The following PINX1 variants were observed in gnomAD, a reference collection of about 807,000 sequenced individuals.
PINX1 encodes PIN2/TERF1-interacting telomerase inhibitor 1.
A neutral mutation model predicts 25.4 loss-of-function variants in PINX1; 34 were observed. The observed-to-expected ratio is 1.34, with a 90% CI of 1.02 to 1.78. PINX1 has a LOEUF of 1.78. Among genes scored for constraint, PINX1 ranks in the 40% most tolerant of loss-of-function variants. PINX1 has a pLI of 0.00. For missense variants in PINX1, 592 were observed against 404.9 expected, an observed-to-expected ratio of 1.46 and a Z score of -3.97; for synonymous variants, 197 against 147.7, an observed-to-expected ratio of 1.33 and a Z score of -2.42.
intron 4 of PINX1, among the ~76,000 whole-genome samples, chr8:10,826,490 T>C (rs554440835): frequency 1.3e-5 from 2 of 152,356 alleles, no homozygotes; most frequent in South Asian, 2.1e-4. Context: ...TCCAGAAATT[T>C]AGAAAATCCT....
At chr8:10,802,703 TGGGATCTGGGCGAAGATCTCTATGAA>T (rs1279459899) in intron 6 of PINX1, among the ~76,000 whole-genome samples, 2 of 152,170 alleles carry the variant, frequency 1.3e-5, no homozygotes, top group Non-Finnish European at 2.9e-5. Context: ...TTCGGTCCCA[TGGGATCTGGGCGAAGATCTCTATGAA>T]GGGAATGTAC....
At chr8:10,834,024 T>A (rs1178549578) in intron 2 of PINX1, among the ~76,000 whole-genome samples, 1 of 151,956 alleles carries the variant, frequency 6.6e-6, no homozygotes, top group Non-Finnish European at 1.5e-5. Context: ...TATAGAAAAA[T>A]GACAGTTCCC....
At chr8:10,799,801 G>C (rs1275235889) in intron 6 of PINX1, among the ~76,000 whole-genome samples, 1 of 152,212 alleles carries the variant, frequency 6.6e-6, no homozygotes, top group African/African-American at 2.4e-5. Context: ...CTACAGACTA[G>C]AACATGGATG....
intron 5 of PINX1, among the ~76,000 whole-genome samples, chr8:10,824,800 C>T (rs550202515): frequency 2.0e-5 from 3 of 152,244 alleles, no homozygotes; most frequent in African/African-American, 4.8e-5. Flanking sequence ...TTAATTTGCT[C>T]TGCAACAGCA....
chr8:10,836,341 G>A (rs534067921), intron 1 of PINX1, among the ~76,000 whole-genome samples: 1 of 152,144 alleles, frequency 6.6e-6, no homozygotes. Flanking sequence ...ACTTATCTTG[G>A]CAAATACTCA....
rs80240790 is a variant in PINX1 at position 10,795,152 on chromosome 8, T to C, written c.471+25041A>G. ...TTAATTCATTCAAAAAACAAATCACTTGGTTGGGTGAAAATCCTAATATCG... is the reference window on the plus strand; with the variant it reads ...TTAATTCATTCAAAAAACAAATCACCTGGTTGGGTGAAAATCCTAATATCG... On this transcript the variant is annotated intron_variant, in intron 6 of 6. Transcript: ENST00000314787. Among the ~76,000 whole-genome samples the C allele has an allele frequency of 2.8e-4, 43 of 152,320 alleles. 2 individuals are homozygous for C. In the East Asian group the frequency reaches 7.3e-3, roughly 26 times the overall value.
At chr8:10,776,641 G>A (rs981340296) in intron 6 of PINX1, among the ~76,000 whole-genome samples, 1 of 152,092 alleles carries the variant, frequency 6.6e-6, no homozygotes, top group Non-Finnish European at 1.5e-5. Context: ...GGGTCCTCTT[G>A]AGGCTCACAA....
chr8:10,807,609 G>A (rs1802494778), intron 6 of PINX1, among the ~76,000 whole-genome samples: 1 of 152,052 alleles, frequency 6.6e-6, no homozygotes, highest in African/African-American at 2.4e-5. Context: ...CTGAAAATGA[G>A]ATAAACAGGT....
rs17711777 is a variant in PINX1 at position 10,765,730 on chromosome 8, T to C, written c.658A>G (p.Thr220Ala). Residue 220 changes from threonine (T) to alanine (A), a missense_variant, in exon 7 of 7, where the codon ACA (threonine) becomes GCA (alanine). Thr to Ala is a moderately conservative substitution (Grantham distance 58). Coordinates refer to ENST00000314787, the MANE Select transcript of PINX1 (RefSeq NM_017884.6). Reference protein sequence around the residue: ...KRGKKRNKEATGKDVESYLQP... With the variant: ...KRGKKRNKEAAGKDVESYLQP... ...AGGTAACTTTCCACATCTTTACCTG[T>C]GGCCTCTTTATTTCTTTTCTTCCCC... The C allele has an allele frequency of 0.066, 106,529 of 1,613,944 alleles. 4,478 individuals are homozygous for C. The highest frequency in any genetic ancestry group is 0.18 in the Admixed American group (10,574 of 60,024).
chr8:10,793,915 G>C (rs1167555213), intron 6 of PINX1, among the ~76,000 whole-genome samples: 1 of 152,148 alleles, frequency 6.6e-6, no homozygotes, highest in Non-Finnish European at 1.5e-5. Flanking sequence ...ATTGCAATGA[G>C]TATCTAGTAA....
At chr8:10,774,773 CTT>C (rs1274113435) in intron 6 of PINX1, among the ~76,000 whole-genome samples, 5 of 152,150 alleles carry the variant, frequency 3.3e-5, no homozygotes, top group Admixed American at 6.5e-5. Flanking sequence ...TTCACATACT[CTT>C]TCTTTCACCA....
chr8:10,789,122 T>A (rs943222384), intron 6 of PINX1, among the ~76,000 whole-genome samples: 1 of 152,164 alleles, frequency 6.6e-6, no homozygotes, highest in Non-Finnish European at 1.5e-5. Context: ...AGCAGGCATC[T>A]CATAGGCAGA....
chr8:10,804,872 T>A (rs1348312159), intron 6 of PINX1, among the ~76,000 whole-genome samples: 1 of 152,040 alleles, frequency 6.6e-6, no homozygotes, highest in African/African-American at 2.4e-5. Flanking sequence ...GGTATGGGTT[T>A]AATCTACTCA....
At chr8:10,773,581 T>G (rs144726275) in intron 6 of PINX1, among the ~76,000 whole-genome samples, 1 of 152,194 alleles carries the variant, frequency 6.6e-6, no homozygotes, top group Non-Finnish European at 1.5e-5. Context: ...TGGACTTTAG[T>G]AGAGAAATAC....
chr8:10,819,610 T>A (rs1586192518), intron 6 of PINX1, among the ~76,000 whole-genome samples: 1 of 152,214 alleles, frequency 6.6e-6, no homozygotes, highest in Admixed American at 6.5e-5. Context: ...ATAATTAGAA[T>A]AAATTATGGA....
At chr8:10,770,633 G>A (rs1801194216) in intron 6 of PINX1, among the ~76,000 whole-genome samples, 2 of 152,184 alleles carry the variant, frequency 1.3e-5, no homozygotes, top group Admixed American at 1.3e-4. Flanking sequence ...TGGATTATTA[G>A]TACAATGCCC....
At chr8:10,808,960 T>A (rs913072683) in intron 6 of PINX1, among the ~76,000 whole-genome samples, 3 of 152,238 alleles carry the variant, frequency 2.0e-5, no homozygotes, top group African/African-American at 7.2e-5. Context: ...GTTTCCTTGA[T>A]ATATGAATTT....
intron 6 of PINX1, among the ~76,000 whole-genome samples, chr8:10,796,582 A>G (rs1320530549): frequency 7.2e-5 from 11 of 152,158 alleles, no homozygotes; most frequent in Non-Finnish European, 1.6e-4. Flanking sequence ...CCTTTAAAAG[A>G]TACAATGTTT....
Position 10,826,131 on chromosome 8 carries a change from TAAAG to T in PINX1, c.394+17_394+20del. On this transcript the variant is annotated intron_variant, in intron 5 of 6. Coordinates refer to ENST00000314787, the MANE Select transcript of PINX1 (RefSeq NM_017884.6). ...CAAACACGTAGATTTCAATAACAAG[TAAAG>T]AAATGCTTAATCTTACCTTTTGTGA... 1 of 1,356,016 alleles carries T rather than the reference TAAAG, an allele frequency of 7.4e-7. No homozygotes were observed. Among genetic ancestry groups the T allele is most frequent in the Non-Finnish European group, 1.0e-6 (1 of 964,510 alleles). The allele number at this position is 1,356,016 out of a possible 1,614,324, so 84.0% of individuals were successfully genotyped here. A position where few individuals can be genotyped will look rare whatever the true frequency, so the allele number is the denominator to read the frequency against.
Sources: gnomAD v4.1 joint callset for allele counts (sites outside exome capture counted in the v4.1 genomes callset) on GRCh38, gnomAD v4.1.1 for gene constraint, MANE v1.5 for transcripts, NCBI Gene and HGNC (gene_info 2026-07-23, HGNC 2026-07-21) for gene names.